PATJ: variants seen among roughly 807,000 people sequenced by gnomAD.
PATJ encodes inaD-like protein.
A neutral mutation model predicts 224.9 loss-of-function variants in PATJ; 190 were observed. That is an observed-to-expected ratio of 0.84 (90% CI 0.75 to 0.95). PATJ has a LOEUF of 0.95. PATJ is among the 40% of genes least tolerant of loss of function. The pLI is 0.00. For synonymous variants in PATJ, 769 were observed against 820.3 expected, an observed-to-expected ratio of 0.94 and a Z score of 1.07; for missense variants, 2,121 against 2,270.3, an observed-to-expected ratio of 0.93 and a Z score of 1.34.
rs1173145713 is a variant in PATJ, at chr1:62,160,992, GAGCA to G, written c.5592_5595del (p.Ala1865SerfsTer4). The G allele has an allele frequency of 2.0e-5, 33 of 1,611,554 alleles. No individual in the cohort carries two copies. The highest frequency in any genetic ancestry group is 2.5e-5 in the Non-Finnish European group (29 of 1,179,200). On this transcript the variant is annotated frameshift_variant, in exon 44 of 44. Coordinates refer to ENST00000642238, the MANE Select transcript of PATJ (RefSeq NM_001350145.3). LOFTEE classifies it high-confidence loss of function. ...CGAGACCCTGGAAGGTGTTACTCATGAGCAAGCAGTCGCCATTCTAAAACACCAG... is the reference window on the plus strand; with the variant it reads ...CGAGACCCTGGAAGGTGTTACTCATGAGCAGTCGCCATTCTAAAACACCAG...
rs565595076 is a variant in PATJ, at chr1:61,887,813, A to G, written c.3131+3405A>G. 3.2e-4 allele frequency among the ~76,000 whole-genome samples: 49 copies of G among 152,320 alleles called. 1 individual carries two copies. The South Asian group carries it at 0.01, about 32-fold the overall frequency. On this transcript the variant is annotated intron_variant, in intron 22 of 43. Coordinates refer to ENST00000642238, the MANE Select transcript of PATJ (RefSeq NM_001350145.3). Reference sequence around the variant, plus strand: ...TGAGTAGGGAGATAAGAAGTGCACAAAGGAGTTGGAGCTTTCAGCAAAACA... The same window carrying G: ...TGAGTAGGGAGATAAGAAGTGCACAGAGGAGTTGGAGCTTTCAGCAAAACA...
At chr1:61,949,975 G>A (rs1221037064) in intron 27 of PATJ, among the ~76,000 whole-genome samples, 9 of 152,080 alleles carry the variant, frequency 5.9e-5, no homozygotes, top group African/African-American at 1.2e-4. Context: ...CAAGGCAGGC[G>A]GATTACTTGA....
intron 33 of PATJ, among the ~76,000 whole-genome samples, chr1:62,104,956 C>T (rs1320674717): frequency 6.6e-6 from 1 of 152,160 alleles, no homozygotes; most frequent in Non-Finnish European, 1.5e-5. Flanking sequence ...TCCCAAAGTG[C>T]TGGGATTATA....
In PATJ at chr1:62,018,511, T is replaced by C. The variant is rs1646905257; in HGVS notation, c.3959+564T>C. ...AATCAGAATTAGGAATCTTACTGTT[T>C]GTAGTCAACATTGCCACATTAGCAA... is the stretch of plus-strand genomic sequence containing the variant. On this transcript the variant is annotated intron_variant, in intron 29 of 43. Coordinates refer to ENST00000642238, the MANE Select transcript of PATJ (RefSeq NM_001350145.3). This position sits in a 1 kb window ranked among gnomAD's most constrained non-coding sequence, Gnocchi z 4.2. Among the ~76,000 whole-genome samples the C allele has an allele frequency of 6.6e-6, 1 of 152,206 alleles. No homozygotes were observed. Among genetic ancestry groups the C allele is most frequent in the African/African-American group, 2.4e-5 (1 of 41,460 alleles).
At chr1:61,986,354 C>A (rs12746542) in intron 27 of PATJ, among the ~76,000 whole-genome samples, 1 of 151,848 alleles carries the variant, frequency 6.6e-6, no homozygotes, top group Admixed American at 6.5e-5. Context: ...TGTTGATGTA[C>A]GGTCCATAAT....
chr1:62,028,448 C>G (rs1226374514), intron 29 of PATJ, among the ~76,000 whole-genome samples: 1 of 152,294 alleles, frequency 6.6e-6, no homozygotes, highest in African/African-American at 2.4e-5. Flanking sequence ...ATCCATTCCC[C>G]CATTGAATGG....
At chr1:61,966,682 A>G (rs145803437) in intron 27 of PATJ, among the ~76,000 whole-genome samples, 7,156 of 138,594 alleles carry the variant, frequency 0.052, 612 homozygotes, top group African/African-American at 0.18. Context: ...GCGAGACTTC[A>G]TCTCAAAAAA....
chr1:62,080,454 C>T lies in PATJ; in HGVS notation c.4243+887C>T, dbSNP rs577776533. 3.9e-5 allele frequency among the ~76,000 whole-genome samples: 6 copies of T among 152,096 alleles called. No homozygotes were observed. The South Asian group carries it at 1.3e-3, about 32-fold the overall frequency. ...TCAAGTGATTCTCCTGCCTCGGCCT[C>T]CTGAGTAGCTGGGATTACAGGTGCT... On this transcript the variant is annotated intron_variant, in intron 32 of 43. Coordinates refer to ENST00000642238, the MANE Select transcript of PATJ (RefSeq NM_001350145.3).
chr1:62,005,602 A>G (rs1396799063), intron 28 of PATJ, among the ~76,000 whole-genome samples: 5 of 151,948 alleles, frequency 3.3e-5, no homozygotes, highest in Non-Finnish European at 7.4e-5. Flanking sequence ...TGTCTCTACC[A>G]AAAAAATTAG....
intron 41 of PATJ, among the ~76,000 whole-genome samples, chr1:62,134,776 G>A (rs376375704): frequency 6.6e-6 from 1 of 152,144 alleles, no homozygotes; most frequent in Non-Finnish European, 1.5e-5. Flanking sequence ...TGTGCCTCGG[G>A]CGCAGGCCTC....
At chr1:62,134,081 G>A (rs565135762) in intron 41 of PATJ, among the ~76,000 whole-genome samples, 2 of 151,688 alleles carry the variant, frequency 1.3e-5, no homozygotes, top group East Asian at 3.9e-4. Flanking sequence ...CCTAGGTATT[G>A]GTGATGCTGC....
chr1:61,977,678 G>A (rs564518044), intron 27 of PATJ, among the ~76,000 whole-genome samples: 1 of 151,850 alleles, frequency 6.6e-6, no homozygotes, highest in Non-Finnish European at 1.5e-5. Flanking sequence ...ATGATCCACT[G>A]TGCCGGCTGG....
At chr1:62,087,893 ATT>A (rs200475132) in intron 33 of PATJ, among the ~76,000 whole-genome samples, 127 of 141,850 alleles carry the variant, frequency 9.0e-4, no homozygotes, top group African/African-American at 2.1e-3. Context: ...ATTCTTTGTA[ATT>A]TTTTTTTTTT....
intron 28 of PATJ, among the ~76,000 whole-genome samples, chr1:62,002,733 A>AAG (rs1553238285): frequency 0.015 from 1,957 of 129,794 alleles, 34 homozygotes; most frequent in Middle Eastern, 0.024. Flanking sequence ...AAAAAAAAAA[A>AAG]AGAGAGAGAG....
At chr1:61,783,423 CTTTTTTTT>C (rs79615768) in intron 7 of PATJ, among the ~76,000 whole-genome samples, 1 of 119,234 alleles carries the variant, frequency 8.4e-6, no homozygotes, top group African/African-American at 3.1e-5. Context: ...CTTTTCTTTT[CTTTTTTTT>C]TTTTTTTTTT....
At chr1:61,911,415 T>C (rs1239407064) in intron 25 of PATJ, among the ~76,000 whole-genome samples, 1 of 152,088 alleles carries the variant, frequency 6.6e-6, no homozygotes, top group South Asian at 2.1e-4. Context: ...GGTTTCACCA[T>C]GTTGGTCAGG....
At chr1:62,104,639 G>A (rs759723054) in intron 33 of PATJ, among the ~76,000 whole-genome samples, 1 of 151,960 alleles carries the variant, frequency 6.6e-6, no homozygotes, top group African/African-American at 2.4e-5. Context: ...ACAGTGTCTC[G>A]TATTTTCTTG....
intron 17 of PATJ, among the ~76,000 whole-genome samples, chr1:61,846,496 A>G (rs2148863194): frequency 6.6e-6 from 1 of 152,324 alleles, no homozygotes; most frequent in South Asian, 2.1e-4. Context: ...CATATTCTAC[A>G]TTTATAAAAA....
intron 31 of PATJ, among the ~76,000 whole-genome samples, chr1:62,073,769 T>G (rs555307446): frequency 6.6e-6 from 1 of 152,314 alleles, no homozygotes; most frequent in African/African-American, 2.4e-5. Context: ...GCAGAAGGCT[T>G]GCTTGAGCCC....
Sources: gnomAD v4.1 joint callset for allele counts (sites outside exome capture counted in the v4.1 genomes callset) on GRCh38, gnomAD v4.1.1 for gene constraint, Gnocchi (gnomAD v3.1) non-coding constraint, MANE v1.5 for transcripts, NCBI Gene and HGNC (gene_info 2026-07-23, HGNC 2026-07-21) for gene names.